Variants in MGAT3 observed in about 807,000 individuals in gnomAD.
The protein encoded by MGAT3 is beta-1,4-mannosyl-glycoprotein 4-beta-N-acetylglucosaminyltransferase.
In MGAT3, 9 loss-of-function variants were observed where a neutral mutation model predicts 29.8. That is an observed-to-expected ratio of 0.30 (90% confidence interval 0.18 to 0.53). The LOEUF is 0.53. MGAT3 is among the 20% of genes least tolerant of loss of function. MGAT3 has a pLI of 0.96. For synonymous variants in MGAT3, 397 were observed against 348.9 expected (o/e 1.14, Z -1.54); for missense variants, 557 against 769.5 (o/e 0.72, Z 3.27).
rs1770567393 is a variant in MGAT3, at chr22:39,463,063, G to C, written c.-2+5506G>C. On this transcript the variant is annotated intron_variant, in intron 1 of 1. Transcript: ENST00000341184. ...AGGGAGGCCGGCCCGAGTGGGTTCT[G>C]GGACTCTGGCTGGCAGGCCTGGTGG... Among the ~76,000 whole-genome samples the C allele has an allele frequency of 2.0e-5, 3 of 152,170 alleles. No individual in the cohort carries two copies. In the East Asian group the frequency reaches 5.8e-4, roughly 29 times the overall value.
rs1397959944 is a variant in MGAT3 at position 39,489,101 on chromosome 22, T to A, written c.*152T>A. On this transcript the variant is annotated 3_prime_UTR_variant, in exon 2 of 2. Coordinates refer to ENST00000341184, the MANE Select transcript of MGAT3 (RefSeq NM_002409.5). ...GGTAGGGTTTCCCTACTGAAGCCCT[T>A]GTGAATCAAGGGTCAGGCCTTTGAG... 9.5e-7 allele frequency: 1 copy of A among 1,053,786 alleles called. No homozygotes were observed. Among genetic ancestry groups the A allele is most frequent in the African/African-American group, 1.6e-5 (1 of 61,980 alleles). The allele number at this position is 1,053,786 out of a possible 1,614,324, so 65.3% of individuals were successfully genotyped here.
At chr22:39,483,266 G>A (rs1268101109) in intron 1 of MGAT3, among the ~76,000 whole-genome samples, 3 of 152,132 alleles carry the variant, frequency 2.0e-5, no homozygotes, top group Admixed American at 6.5e-5. Flanking sequence ...AGGCCAAGGC[G>A]GGCAGATCAC....
In MGAT3 at chr22:39,487,791, A is replaced by T. The variant is rs1336850461; in HGVS notation, c.444A>T (p.Pro148=). 2 of 1,486,298 alleles carry T rather than the reference A, an allele frequency of 1.3e-6. No homozygotes were observed. The highest frequency in any genetic ancestry group is 8.9e-7 in the Non-Finnish European group (1 of 1,121,398). 92.1% of individuals were successfully genotyped at this position (1,486,298 alleles called of 1,614,324 possible). ...EGANGSSARR[P]PRYLLSARER... ...CCAACGGCTCCTCGGCCCGGCGGCC[A>T]CCCCGGTACCTCCTGAGCGCCCGGG... The change falls in exon 2 of 2, where the codon CCA becomes CCT. Residue 148 remains proline (P), a synonymous_variant. Coordinates refer to ENST00000341184, the MANE Select transcript of MGAT3 (RefSeq NM_002409.5). This position sits in a 1 kb window ranked among gnomAD's most constrained non-coding sequence, Gnocchi z 5.7.
intron 1 of MGAT3, among the ~76,000 whole-genome samples, chr22:39,485,207 G>A (rs1325256198): frequency 3.9e-5 from 6 of 152,208 alleles, no homozygotes; most frequent in Non-Finnish European, 8.8e-5. Context: ...ATCTTCACTG[G>A]TCAAATGGAT....
rs1184824632 is a variant in MGAT3, at chr22:39,487,319, G to C, written c.-1-28G>C. On this transcript the variant is annotated intron_variant, in intron 1 of 1. Transcript: ENST00000341184. This position sits in a 1 kb window ranked among gnomAD's most constrained non-coding sequence, Gnocchi z 5.7. ...GGAAAGGAGCCTGGGCTGCCCTGATGAGTCTCCTGTCTCTCTCTCTCCCGC... is the reference window on the plus strand; with the variant it reads ...GGAAAGGAGCCTGGGCTGCCCTGATCAGTCTCCTGTCTCTCTCTCTCCCGC... 1.9e-6 allele frequency: 3 copies of C among 1,595,418 alleles called. No individual in the cohort carries two copies. The highest frequency in any genetic ancestry group is 4.5e-5 in the East Asian group (2 of 44,746).
At chr22:39,486,771 G>A (rs1929283622) in intron 1 of MGAT3, among the ~76,000 whole-genome samples, 1 of 152,222 alleles carries the variant, frequency 6.6e-6, no homozygotes. Context: ...AAGGTGTTGG[G>A]ATTACAGGCG....
intron 1 of MGAT3, among the ~76,000 whole-genome samples, chr22:39,468,613 A>C (rs1393828678): frequency 6.6e-6 from 1 of 152,224 alleles, no homozygotes; most frequent in Non-Finnish European, 1.5e-5. Context: ...GACTAGGACC[A>C]TGGGCCACTT....
At chr22:39,459,072 C>CTTTTTTTTTTTTTTTTTTTTT in intron 1 of MGAT3, among the ~76,000 whole-genome samples, 1 of 141,330 alleles carries the variant, frequency 7.1e-6, no homozygotes, top group Non-Finnish European at 1.6e-5. Flanking sequence ...CTTTTCTTTT[C>CTTTTTTTTTTTTTTTTTTTTT]TTTTTTTTTT....
intron 1 of MGAT3, among the ~76,000 whole-genome samples, chr22:39,460,760 G>A (rs1928475331): frequency 6.6e-6 from 1 of 152,156 alleles, no homozygotes; most frequent in Non-Finnish European, 1.5e-5. Context: ...TTGCGCCACT[G>A]CACTCCAGCC....
At position 39,488,939 on chromosome 22, in the gene MGAT3, C is replaced by G; in HGVS notation, c.1592C>G (p.Ala531Gly). The change falls in exon 2 of 2, where the codon GCG becomes GGG. Residue 531 changes from alanine to glycine, a missense_variant. By Grantham distance (60) the Ala-to-Gly change is moderately conservative. Coordinates refer to ENST00000341184, the MANE Select transcript of MGAT3 (RefSeq NM_002409.5). ...CCCGCCCGGGGCAAACTGGACGAGG[C>G]GGAAGTCTAGAGCTGCATGATCTGA... ...RPPARGKLDE[A>G]EV The G allele has an allele frequency of 6.2e-7, 1 of 1,604,900 alleles. No homozygotes were observed.
chr22:39,466,292 C>T lies in MGAT3; in HGVS notation c.-2+8735C>T, dbSNP rs1221241441. 3.9e-5 allele frequency among the ~76,000 whole-genome samples: 6 copies of T among 152,304 alleles called. No individual in the cohort carries two copies. In the South Asian group the frequency reaches 1.0e-3, roughly 26 times the overall value. On this transcript the variant is annotated intron_variant, in intron 1 of 1. Coordinates refer to ENST00000341184, the MANE Select transcript of MGAT3 (RefSeq NM_002409.5). ...GGCAGTGACCGGCTGTGGGGTCTCA[C>T]CGTGGGGCTTGCCTAGCACCAGGCA...
chr22:39,467,435 C>T (rs537823908), intron 1 of MGAT3, among the ~76,000 whole-genome samples: 17 of 152,280 alleles, frequency 1.1e-4, no homozygotes, highest in African/African-American at 3.1e-4. Context: ...TGGGCCTTCT[C>T]GCTTTGGGAG....
Position 39,488,730 on chromosome 22 carries a change from C to CG in MGAT3, c.1388dup (p.Trp464LeufsTer115). 2 of 1,613,674 alleles carry CG rather than the reference C, an allele frequency of 1.2e-6. No individual in the cohort carries two copies. Among genetic ancestry groups the CG allele is most frequent in the Non-Finnish European group, 1.7e-6 (2 of 1,179,948 alleles). On this transcript the variant is annotated frameshift_variant, in exon 2 of 2. Transcript: ENST00000341184. ...ACTACATCCGCGGCCTGATCCGCAC[C>CG]GGGGGCTGGTTCGACGGCACGCAGC...
chr22:39,467,451 G>T (rs1353923457), intron 1 of MGAT3, among the ~76,000 whole-genome samples: 4 of 152,136 alleles, frequency 2.6e-5, no homozygotes, highest in Non-Finnish European at 5.9e-5. Context: ...GGGAGTGCAG[G>T]CAGCCCCATC....
rs1929421881 is a variant in MGAT3 at position 39,490,425 on chromosome 22, GTTATC to G, written c.*1481_*1485del. 1 of 167,044 alleles carries G rather than the reference GTTATC, an allele frequency of 6.0e-6. No homozygotes were observed. The highest frequency in any genetic ancestry group is 2.4e-5 in the African/African-American group (1 of 41,444). The allele number at this position is 167,044 out of a possible 1,614,324, so 10.3% of individuals were successfully genotyped here. A position where few individuals can be genotyped will look rare whatever the true frequency, so the allele number is the denominator to read the frequency against. ...CCATGTGCCTGGCCTCACCTTGGGA[GTTATC>G]TTATTGATGGAGGAGAAGAGAATGG... On this transcript the variant is annotated 3_prime_UTR_variant, in exon 2 of 2. Transcript: ENST00000341184.
At chr22:39,460,777 A>G (rs1218205979) in intron 1 of MGAT3, among the ~76,000 whole-genome samples, 1 of 152,176 alleles carries the variant, frequency 6.6e-6, no homozygotes, top group African/African-American at 2.4e-5. Flanking sequence ...AGCCTGGGCA[A>G]CAGAGTGAGA....
intron 1 of MGAT3, among the ~76,000 whole-genome samples, chr22:39,479,060 G>C (rs1929048758): frequency 6.6e-6 from 1 of 152,202 alleles, no homozygotes; most frequent in South Asian, 2.1e-4. Flanking sequence ...ACAGACCCAG[G>C]ACCGGCCAGA....
At position 39,479,310 on chromosome 22, in the gene MGAT3, G is replaced by T. The variant is rs571403487; in HGVS notation, c.-1-8037G>T. ...ACCTTGACCACCCCACTGTACTCCA[G>T]CCTGCCTGGGTAACAAAGAAAGACA... On this transcript the variant is annotated intron_variant, in intron 1 of 1. Transcript: ENST00000341184. Among the ~76,000 whole-genome samples the T allele has an allele frequency of 2.2e-3, 337 of 152,302 alleles. 1 individual carries two copies. Among genetic ancestry groups the T allele is most frequent in the African/African-American group, 7.7e-3 (320 of 41,572 alleles).
rs146084048 is a variant in MGAT3, at chr22:39,488,151, G to A, written c.804G>A (p.Lys268=). ...GCACCTTCGAGTACATCCGCCACAA[G>A]GTGCTCTATGTCTTCCTGGACCACT... ...TNGTFEYIRH[K]VLYVFLDHFP... Residue 268 remains lysine, a synonymous_variant, in exon 2 of 2, where the codon AAG becomes AAA. Coordinates refer to ENST00000341184, the MANE Select transcript of MGAT3 (RefSeq NM_002409.5). 1.2e-6 allele frequency: 2 copies of A among 1,613,036 alleles called. No homozygotes were observed. Among genetic ancestry groups the A allele is most frequent in the African/African-American group, 1.3e-5 (1 of 74,912 alleles).
Sources: allele counts gnomAD v4.1 joint callset (sites outside exome capture counted in the v4.1 genomes callset), GRCh38; gene constraint gnomAD v4.1.1; non-coding constraint Gnocchi (gnomAD v3.1); transcripts MANE v1.5; gene names NCBI Gene and HGNC (gene_info 2026-07-23, HGNC 2026-07-21).